Variants in ZNRF2 observed in about 807,000 individuals in gnomAD.
The protein encoded by ZNRF2 is zinc and ring finger 2.
Under a neutral mutation model 20.4 loss-of-function variants are expected in ZNRF2, and 16 were observed. The observed-to-expected ratio is 0.79, with a 90% CI of 0.53 to 1.19. The LOEUF is 1.19. Among genes scored for constraint, ZNRF2 ranks in the 50% most tolerant of loss-of-function variants. ZNRF2 has a pLI of 0.00. For missense variants in ZNRF2, 363 were observed against 332.4 expected (o/e 1.09, Z -0.72); for synonymous variants, 178 against 144.9 (o/e 1.23, Z -1.64).
chr7:30,295,625 G>A (rs551653446), intron 1 of ZNRF2, among the ~76,000 whole-genome samples: 4 of 152,292 alleles, frequency 2.6e-5, no homozygotes, highest in South Asian at 2.1e-4. Flanking sequence ...CAGGAGGATC[G>A]CTTGAACCCA....
intron 1 of ZNRF2, among the ~76,000 whole-genome samples, chr7:30,310,871 T>G (rs2128060073): frequency 6.6e-6 from 1 of 152,122 alleles, no homozygotes; most frequent in South Asian, 2.1e-4. Context: ...TGTCCTGTCC[T>G]GTCCTGTCCT....
At chr7:30,352,076 G>GTT (rs34764661) in intron 2 of ZNRF2, among the ~76,000 whole-genome samples, 18 of 151,826 alleles carry the variant, frequency 1.2e-4, no homozygotes, top group African/African-American at 4.4e-4. Flanking sequence ...TTTGTATAGT[G>GTT]TTTTTTTATA....
chr7:30,324,825 T>C (rs1318791027), intron 2 of ZNRF2, among the ~76,000 whole-genome samples: 2 of 152,040 alleles, frequency 1.3e-5, no homozygotes, highest in Non-Finnish European at 2.9e-5. Context: ...TGTTTAAGAG[T>C]ATAGAGTAAA....
chr7:30,353,605 C>A (rs1799990745), intron 2 of ZNRF2, among the ~76,000 whole-genome samples: 1 of 151,930 alleles, frequency 6.6e-6, no homozygotes, highest in African/African-American at 2.4e-5. Flanking sequence ...TTGGATTTGT[C>A]TTTGTTGTAC....
chr7:30,295,651 A>G (rs549458528), intron 1 of ZNRF2, among the ~76,000 whole-genome samples: 13 of 152,344 alleles, frequency 8.5e-5, no homozygotes, highest in African/African-American at 2.4e-4. Flanking sequence ...CTGAAGTTGC[A>G]GTGAGCCAGG....
At chr7:30,317,946 C>A (rs1313277472) in intron 1 of ZNRF2, among the ~76,000 whole-genome samples, 2 of 152,206 alleles carry the variant, frequency 1.3e-5, no homozygotes, top group African/African-American at 4.8e-5. Context: ...ATTCCTCTGT[C>A]ACTGATTCAT....
chr7:30,326,606 A>G (rs1799556479), intron 2 of ZNRF2, among the ~76,000 whole-genome samples: 1 of 152,208 alleles, frequency 6.6e-6, no homozygotes, highest in Non-Finnish European at 1.5e-5. Flanking sequence ...ATATGCATGC[A>G]TGTGTCTTAT....
At chr7:30,289,553 C>A (rs1421283439) in intron 1 of ZNRF2, among the ~76,000 whole-genome samples, 1 of 152,166 alleles carries the variant, frequency 6.6e-6, no homozygotes, top group Non-Finnish European at 1.5e-5. Context: ...AAAAATGAGC[C>A]TTCTAACCAC....
chr7:30,360,354 A>G (rs1800106874), intron 3 of ZNRF2, among the ~76,000 whole-genome samples: 1 of 152,208 alleles, frequency 6.6e-6, no homozygotes, highest in African/African-American at 2.4e-5. Context: ...GAAAGAATGT[A>G]TATGTAAATT....
intron 3 of ZNRF2, 126 bp from the exon 4 acceptor site, chr7:30,362,251 A>G (rs972242432): frequency 7.3e-6 from 4 of 551,236 alleles, no homozygotes; most frequent in African/African-American, 5.7e-5. Context: ...TGTATGCCAA[A>G]TATAATTTAA....
chr7:30,326,029 T>C (rs1174830993), intron 2 of ZNRF2, among the ~76,000 whole-genome samples: 1 of 152,164 alleles, frequency 6.6e-6, no homozygotes, highest in Non-Finnish European at 1.5e-5. Context: ...ATCACAAATA[T>C]ATTTGACCAT....
intron 2 of ZNRF2, among the ~76,000 whole-genome samples, chr7:30,332,201 C>T (rs986846914): frequency 2.6e-5 from 4 of 152,006 alleles, no homozygotes; most frequent in African/African-American, 9.7e-5. Flanking sequence ...AGAAATAGTA[C>T]CTGTCTTCAT....
chr7:30,326,799 A>T (rs1037746395), intron 2 of ZNRF2, among the ~76,000 whole-genome samples: 1 of 150,512 alleles, frequency 6.6e-6, no homozygotes, highest in African/African-American at 2.4e-5. Context: ...TCCAACATGT[A>T]TTTTTTTTTG....
intron 2 of ZNRF2, among the ~76,000 whole-genome samples, chr7:30,352,109 ATTC>A (rs2127955373): frequency 6.6e-6 from 1 of 152,144 alleles, no homozygotes; most frequent in Admixed American, 6.5e-5. Flanking sequence ...TTTTCACACA[ATTC>A]TTTAAAATTT....
At chr7:30,359,191 A>G (rs1406792350) in intron 3 of ZNRF2, among the ~76,000 whole-genome samples, 6 of 152,158 alleles carry the variant, frequency 3.9e-5, no homozygotes, top group Non-Finnish European at 7.4e-5. Context: ...AGGAAAGAAA[A>G]TCGTGGAAAT....
At chr7:30,305,736 G>T (rs926209539) in intron 1 of ZNRF2, among the ~76,000 whole-genome samples, 4 of 151,964 alleles carry the variant, frequency 2.6e-5, no homozygotes, top group African/African-American at 9.7e-5. Context: ...TTTTAGTTAG[G>T]GCTAACATTT....
intron 3 of ZNRF2, among the ~76,000 whole-genome samples, 179 bp from the exon 4 acceptor site, chr7:30,362,198 C>T (rs766432288): frequency 1.3e-5 from 2 of 151,944 alleles, no homozygotes; most frequent in East Asian, 1.9e-4. Context: ...TTTTCTTAAT[C>T]GCTTAGAATC....
chr7:30,344,502 T>G (rs1006426244), intron 2 of ZNRF2, among the ~76,000 whole-genome samples: 6 of 152,192 alleles, frequency 3.9e-5, no homozygotes, highest in South Asian at 4.1e-4. Context: ...AAGTTTTTTT[T>G]GTACTTCTCT....
intron 2 of ZNRF2, among the ~76,000 whole-genome samples, chr7:30,336,599 GTAGT>G (rs948039182): frequency 2.6e-5 from 4 of 152,054 alleles, no homozygotes; most frequent in African/African-American, 9.7e-5. Flanking sequence ...TAATTTCTAG[GTAGT>G]TTCTCATTTA....
Sources: allele counts gnomAD v4.1 joint callset (sites outside exome capture counted in the v4.1 genomes callset), GRCh38; gene constraint gnomAD v4.1.1; transcripts MANE v1.5; gene names NCBI Gene and HGNC (gene_info 2026-07-23, HGNC 2026-07-21).